The following DYNC2H1 variants were observed in gnomAD, a reference collection of about 807,000 sequenced individuals.
DYNC2H1 encodes the protein dynein cytoplasmic 2 heavy chain 1.
A neutral mutation model predicts 570.0 loss-of-function variants in DYNC2H1; 410 were observed. The ratio of observed to expected loss-of-function variants is 0.72; its 90% CI spans 0.66 to 0.78. DYNC2H1 has a LOEUF of 0.78. Among genes scored for constraint, DYNC2H1 ranks in the 30% least tolerant of loss-of-function variants. DYNC2H1 has a pLI of 0.00. For missense variants in DYNC2H1, 4,865 were observed against 5,046.4 expected, an observed-to-expected ratio of 0.96 and a Z score of 1.09; for synonymous variants, 1,688 against 1,677.6, an observed-to-expected ratio of 1.01 and a Z score of -0.15.
At chr11:103,393,962 ATT>A (rs1455748836) in intron 83 of DYNC2H1, among the ~76,000 whole-genome samples, 1 of 152,120 alleles carries the variant, frequency 6.6e-6, no homozygotes, top group African/African-American at 2.4e-5. Context: ...TACCCCTATT[ATT>A]CAATTACCTC....
At chr11:103,307,680 A>G (rs1867359170) in intron 77 of DYNC2H1, 41 bp from the exon 78 acceptor site, 4 of 1,089,434 alleles carry the variant, frequency 3.7e-6, no homozygotes, top group Admixed American at 5.0e-5. Context: ...AAACTTTCAT[A>G]TATATTTAAG....
intron 84 of DYNC2H1, among the ~76,000 whole-genome samples, chr11:103,419,747 C>G (rs1365544495): frequency 6.6e-6 from 1 of 152,152 alleles, no homozygotes; most frequent in Non-Finnish European, 1.5e-5. Context: ...GACTGCAACA[C>G]CTCTACTGCA....
intron 59 of DYNC2H1, among the ~76,000 whole-genome samples, chr11:103,229,511 C>T (rs1467634051): frequency 1.3e-5 from 2 of 152,120 alleles, no homozygotes; most frequent in Non-Finnish European, 2.9e-5. Context: ...AGAATTGCCT[C>T]CTTTTTTTAG....
At chr11:103,421,382 A>G (rs1312924321) in intron 84 of DYNC2H1, among the ~76,000 whole-genome samples, 1 of 152,158 alleles carries the variant, frequency 6.6e-6, no homozygotes, top group Non-Finnish European at 1.5e-5. Flanking sequence ...CTCTCCACCC[A>G]AAAACAACAG....
chr11:103,479,321 T>C lies in DYNC2H1; in HGVS notation c.*68T>C. ...GATTCTTTAAGCTTTAAATCAAACA[T>C]GTGGTCAGTCTACATTTGAAATGTT... On this transcript the variant is annotated 3_prime_UTR_variant, in exon 89 of 89. Coordinates refer to ENST00000375735, the MANE Select transcript of DYNC2H1 (RefSeq NM_001377.3). The C allele has an allele frequency of 6.5e-7, 1 of 1,529,798 alleles. No individual in the cohort carries two copies. The highest frequency in any genetic ancestry group is 1.3e-5 in the South Asian group (1 of 78,168). 94.8% of individuals were successfully genotyped at this position (1,529,798 alleles called of 1,614,324 possible). A position where few individuals can be genotyped will look rare whatever the true frequency, so the allele number is the denominator to read the frequency against.
intron 17 of DYNC2H1, among the ~76,000 whole-genome samples, chr11:103,137,004 T>C (rs1170755285): frequency 6.6e-6 from 1 of 151,238 alleles, no homozygotes; most frequent in Non-Finnish European, 1.5e-5. Flanking sequence ...TCATGTGTTT[T>C]TTGGCTGCAT....
At chr11:103,240,543 C>A in intron 63 of DYNC2H1, among the ~76,000 whole-genome samples, 1 of 152,110 alleles carries the variant, frequency 6.6e-6, no homozygotes, top group East Asian at 1.9e-4. Flanking sequence ...CAACCCTGAA[C>A]GTCATTCTTA....
chr11:103,257,825 A>G (rs1296149209), intron 69 of DYNC2H1, 74 bp downstream of exon 69: 2 of 1,261,524 alleles, frequency 1.6e-6, no homozygotes, highest in Non-Finnish European at 2.0e-6. Flanking sequence ...CTTAATTTAT[A>G]ATAAAAATTA....
At position 103,363,122 on chromosome 11, in the gene DYNC2H1, A is replaced by G. The variant is rs1291799407; in HGVS notation, c.12156+4763A>G. ...CTGGTCTAGGTTTAGCTTGATTTTT[A>G]TCCTGTTATTTTGCACGAGATGCCT... On this transcript the variant is annotated intron_variant, in intron 83 of 88. Transcript: ENST00000375735. The surrounding 1 kb of genome is among the most constrained non-coding windows in gnomAD (Gnocchi z 5.6). 6.6e-6 allele frequency among the ~76,000 whole-genome samples: 1 copy of G among 152,072 alleles called. No individual in the cohort carries two copies. Among genetic ancestry groups the G allele is most frequent in the Non-Finnish European group, 1.5e-5 (1 of 67,996 alleles).
chr11:103,175,302 ACATT>A (rs1047493012), intron 36 of DYNC2H1, among the ~76,000 whole-genome samples: 20 of 152,174 alleles, frequency 1.3e-4, no homozygotes, highest in African/African-American at 4.8e-4. Flanking sequence ...AATGGCATCT[ACATT>A]AGCTGTATTA....
rs955648132 is a variant in DYNC2H1 at position 103,163,379 on chromosome 11, G to A, written c.4611+232G>A. ...AGTAGGATGGGGAGGAGGGAATCAGGCATCTAATAGCTTCCTGGTTCCAGA... is the reference window on the plus strand; with the variant it reads ...AGTAGGATGGGGAGGAGGGAATCAGACATCTAATAGCTTCCTGGTTCCAGA... On this transcript the variant is annotated intron_variant, in intron 30 of 88. Coordinates refer to ENST00000375735, the MANE Select transcript of DYNC2H1 (RefSeq NM_001377.3). This position sits in a 1 kb window ranked among gnomAD's most constrained non-coding sequence, Gnocchi z 4.6. 6.6e-6 allele frequency among the ~76,000 whole-genome samples: 1 copy of A among 152,106 alleles called. No homozygotes were observed. The highest frequency in any genetic ancestry group is 1.5e-5 in the Non-Finnish European group (1 of 68,024).
Position 103,256,254 on chromosome 11 carries a change from T to A in DYNC2H1, c.10461+14T>A. 6.3e-7 allele frequency: 1 copy of A among 1,582,750 alleles called. No individual in the cohort carries two copies. The highest frequency in any genetic ancestry group is 8.6e-7 in the Non-Finnish European group (1 of 1,165,744). ...TCCCTTGATCAAGTAATTATTTCCT[T>A]CTTTGTAATTTCGTATTATGTTTTC... On this transcript the variant is annotated intron_variant, in intron 68 of 88. Coordinates refer to ENST00000375735, the MANE Select transcript of DYNC2H1 (RefSeq NM_001377.3). The surrounding 1 kb of genome is among the most constrained non-coding windows in gnomAD (Gnocchi z 4.0).
At position 103,249,561 on chromosome 11, in the gene DYNC2H1, T is replaced by C. The variant is rs1175588473; in HGVS notation, c.10043-3724T>C. Among the ~76,000 whole-genome samples the C allele has an allele frequency of 6.6e-6, 1 of 151,966 alleles. No individual in the cohort carries two copies. Among genetic ancestry groups the C allele is most frequent in the Non-Finnish European group, 1.5e-5 (1 of 67,922 alleles). ...TAACTTACAACAGCATAGAGAAGTT[T>C]TGCTTCTTTTTGTACTTTGAGTAAA... On this transcript the variant is annotated intron_variant, in intron 65 of 88. Coordinates refer to ENST00000375735, the MANE Select transcript of DYNC2H1 (RefSeq NM_001377.3). This position sits in a 1 kb window ranked among gnomAD's most constrained non-coding sequence, Gnocchi z 4.6.
At chr11:103,265,712 T>C (rs1312350083) in intron 70 of DYNC2H1, among the ~76,000 whole-genome samples, 1 of 152,212 alleles carries the variant, frequency 6.6e-6, no homozygotes. Context: ...GGAAAGGTGA[T>C]GAAGTTGTTT....
chr11:103,136,869 AC>A (rs1455533412), intron 17 of DYNC2H1, among the ~76,000 whole-genome samples: 5 of 152,130 alleles, frequency 3.3e-5, no homozygotes, highest in Admixed American at 3.3e-4. Context: ...CTATTTCTCC[AC>A]ATCCTCTCCA....
chr11:103,168,767 T>G lies in DYNC2H1; in HGVS notation c.4775T>G (p.Leu1592Arg), dbSNP rs1231499257. 1.2e-6 allele frequency: 2 copies of G among 1,612,620 alleles called. No homozygotes were observed. The highest frequency in any genetic ancestry group is 1.7e-6 in the Non-Finnish European group (2 of 1,179,404). The change falls in exon 32 of 89, where the codon CTG becomes CGG. Residue 1592 changes from leucine to arginine, a missense_variant. Leu to Arg is a moderately radical substitution (Grantham distance 102, BLOSUM62 -2). This residue lies in a region of DYNC2H1 where 1,936 missense variants were observed against 1,962.1 expected (regional missense o/e 0.99). Transcript: ENST00000375735. ...TATTTCTGCCTAGAATCGGGCATCC[T>G]GGAGCTTAAACTTAAAGCCCTAATT... ...EDPGNTESGI[L>R]ELKLKALILD...
In DYNC2H1 at chr11:103,222,099, AAGAG is replaced by A. The variant is rs753579042; in HGVS notation, c.9182_9185del (p.Glu3061ValfsTer32). Reference sequence around the variant, plus strand: ...ATGCCCGAAATATTTCAAAGGAAATAAGAGAGAGTGTTGAAGAACTTCTTTTTAA... The same window carrying A: ...ATGCCCGAAATATTTCAAAGGAAATAAGAGTGTTGAAGAACTTCTTTTTAA... On this transcript the variant is annotated frameshift_variant, in exon 58 of 89. Coordinates refer to ENST00000375735, the MANE Select transcript of DYNC2H1 (RefSeq NM_001377.3). LOFTEE classifies it high-confidence loss of function. 4 of 1,606,738 alleles carry A rather than the reference AAGAG, an allele frequency of 2.5e-6. No homozygotes were observed. Among genetic ancestry groups the A allele is most frequent in the South Asian group, 1.1e-5 (1 of 89,640 alleles).
chr11:103,323,154 C>A (rs1938300274), intron 81 of DYNC2H1, among the ~76,000 whole-genome samples: 1 of 152,184 alleles, frequency 6.6e-6, no homozygotes, highest in Non-Finnish European at 1.5e-5. Context: ...AAAATAACTT[C>A]TCTTCATGAA....
chr11:103,469,222 G>A (rs12285461), intron 88 of DYNC2H1, among the ~76,000 whole-genome samples: 1 of 152,182 alleles, frequency 6.6e-6, no homozygotes, highest in Non-Finnish European at 1.5e-5. Context: ...GCAGCTGATA[G>A]GTGGATGAAG....
Sources: gnomAD v4.1 joint callset for allele counts (sites outside exome capture counted in the v4.1 genomes callset) on GRCh38, gnomAD v4.1.1 for gene constraint, gnomAD v4.1.1 regional missense constraint, Gnocchi (gnomAD v3.1) non-coding constraint, MANE v1.5 for transcripts, NCBI Gene and HGNC (gene_info 2026-07-23, HGNC 2026-07-21) for gene names.